Variants in CCDC82 observed in about 807,000 individuals in gnomAD.
The protein encoded by CCDC82 is coiled-coil domain-containing protein 82.
A neutral mutation model predicts 60.6 loss-of-function variants in CCDC82; 47 were observed. That is an observed-to-expected ratio of 0.77 (90% CI 0.61 to 0.99). The LOEUF is 0.99. Ranked by LOEUF, CCDC82 falls within the 50% of genes least tolerant of loss-of-function variation. CCDC82 has a pLI of 0.00. For missense variants in CCDC82, 588 were observed against 633.0 expected, an observed-to-expected ratio of 0.93 and a Z score of 0.76; for synonymous variants, 212 against 207.4, an observed-to-expected ratio of 1.02 and a Z score of -0.19.
In CCDC82 at chr11:96,384,768, A is replaced by G; in HGVS notation, c.-14-7T>C. 2 of 1,538,510 alleles carry G rather than the reference A, an allele frequency of 1.3e-6. No individual in the cohort carries two copies. Among genetic ancestry groups the G allele is most frequent in the Non-Finnish European group, 1.8e-6 (2 of 1,141,406 alleles). On this transcript the variant is annotated splice_polypyrimidine_tract_variant and splice_region_variant and intron_variant, in intron 3 of 9. Coordinates refer to ENST00000646818, the MANE Select transcript of CCDC82 (RefSeq NM_024725.4). ...ATCATTTTCACTTAAGCTTCTATAA[A>G]ATAAAGTTGTTAGGAATATAACAGT...
intron 5 of CCDC82, among the ~76,000 whole-genome samples, chr11:96,376,540 G>T (rs1419297638): frequency 6.6e-6 from 1 of 150,556 alleles, no homozygotes; most frequent in South Asian, 2.1e-4. Flanking sequence ...CGATTCTCTT[G>T]CCTCAGCCTC....
intron 5 of CCDC82, chr11:96,382,367 C>T (rs1443802416): frequency 6.6e-6 from 1 of 151,782 alleles, no homozygotes; most frequent in Non-Finnish European, 1.5e-5. Flanking sequence ...TTTTGAAAAA[C>T]TTGTATGTGC....
At chr11:96,357,071 G>A (rs1177790898) in intron 9 of CCDC82, 1 of 985,310 alleles carries the variant, frequency 1.0e-6, no homozygotes, top group Non-Finnish European at 1.2e-6. Context: ...TGTAGCTAAA[G>A]GCAGCACACA....
chr11:96,357,610 A>G (rs1591158904), intron 9 of CCDC82: 1 of 981,638 alleles, frequency 1.0e-6, no homozygotes, highest in Non-Finnish European at 1.2e-6. Context: ...TTCCCCATAT[A>G]TGATACTATT....
At chr11:96,362,773 GA>G (rs1864731276) in intron 8 of CCDC82, among the ~76,000 whole-genome samples, 1 of 152,062 alleles carries the variant, frequency 6.6e-6, no homozygotes, top group African/African-American at 2.4e-5. Context: ...AGAAGCTAAA[GA>G]AAGGAGAAAA....
chr11:96,360,336 G>A (rs1184287673), intron 8 of CCDC82, among the ~76,000 whole-genome samples: 1 of 150,964 alleles, frequency 6.6e-6, no homozygotes, highest in Non-Finnish European at 1.5e-5. Flanking sequence ...GGGATTACAG[G>A]TGCCTGTCAC....
At chr11:96,358,498 G>A in intron 9 of CCDC82, 1 of 1,231,664 alleles carries the variant, frequency 8.1e-7, no homozygotes, top group Non-Finnish European at 1.0e-6. Flanking sequence ...TTCAGTTACA[G>A]TGCTCACTGC....
At chr11:96,374,002 A>G (rs1865432164) in intron 5 of CCDC82, among the ~76,000 whole-genome samples, 1 of 152,150 alleles carries the variant, frequency 6.6e-6, no homozygotes, top group Non-Finnish European at 1.5e-5. Context: ...CCTTCCCCAT[A>G]CCACATATTT....
chr11:96,383,811 A>C, intron 4 of CCDC82, 151 bp downstream of exon 4: 1 of 704,984 alleles, frequency 1.4e-6, no homozygotes, highest in Non-Finnish European at 2.3e-6. Flanking sequence ...TACGTACAAT[A>C]GTGTAATCAA....
intron 5 of CCDC82, chr11:96,380,808 T>G (rs1395571359): frequency 1.3e-5 from 2 of 151,602 alleles, no homozygotes; most frequent in Admixed American, 1.3e-4. Flanking sequence ...GGTAAAAACA[T>G]CAGTGATTCA....
intron 7 of CCDC82, among the ~76,000 whole-genome samples, chr11:96,368,513 G>A (rs187512829): frequency 2.6e-5 from 4 of 152,226 alleles, no homozygotes; most frequent in Non-Finnish European, 5.9e-5. Context: ...CCTAACAAGA[G>A]AGTCAGCCTG....
At chr11:96,385,777 T>C (rs1294476258) in intron 3 of CCDC82, 1 of 152,076 alleles carries the variant, frequency 6.6e-6, no homozygotes, top group Non-Finnish European at 1.5e-5. Flanking sequence ...AAGTATATAT[T>C]AAAAGAACAA....
intron 7 of CCDC82, among the ~76,000 whole-genome samples, chr11:96,370,770 T>C (rs1449608557): frequency 1.3e-5 from 2 of 152,254 alleles, no homozygotes; most frequent in Non-Finnish European, 2.9e-5. Context: ...TTTTAAAAGA[T>C]GGGCTAAGCC....
rs774861008 is a variant in CCDC82, at chr11:96,384,533, C to T, written c.215G>A (p.Gly72Glu). ...ENDEELDSNK[G>E]PDCNKTPGSE... Reference sequence around the variant, plus strand: ...TCCTGGTGTTTTATTACAATCAGGTCCCTTGTTACTATCAAGCTCTTCATC... The same window carrying T: ...TCCTGGTGTTTTATTACAATCAGGTTCCTTGTTACTATCAAGCTCTTCATC... The change falls in exon 4 of 10, where the codon GGA becomes GAA. Residue 72 changes from glycine (G) to glutamate (E), a missense_variant. Coordinates refer to ENST00000646818, the MANE Select transcript of CCDC82 (RefSeq NM_024725.4). 5 of 1,613,498 alleles carry T rather than the reference C, an allele frequency of 3.1e-6. No homozygotes were observed. The African/African-American group carries it at 6.7e-5, about 22-fold the overall frequency.
chr11:96,355,100 T>G (rs974342272), intron 9 of CCDC82: 108 of 152,264 alleles, frequency 7.1e-4, no homozygotes, highest in African/African-American at 2.4e-3. Flanking sequence ...TAGGTTTTAT[T>G]AGATATAAGT....
chr11:96,378,288 A>G (rs961240790), intron 5 of CCDC82, among the ~76,000 whole-genome samples: 1 of 151,894 alleles, frequency 6.6e-6, no homozygotes, highest in Non-Finnish European at 1.5e-5. Context: ...TTATCTCCTT[A>G]TAACTTCTTT....
chr11:96,380,221 A>G (rs1423131309), intron 5 of CCDC82, among the ~76,000 whole-genome samples: 1 of 151,748 alleles, frequency 6.6e-6, no homozygotes, highest in Non-Finnish European at 1.5e-5. Flanking sequence ...GGGAACAAAA[A>G]GATAAAATTT....
chr11:96,364,676 T>C (rs561812319), intron 8 of CCDC82: 1 of 197,656 alleles, frequency 5.1e-6, no homozygotes, highest in Non-Finnish European at 1.0e-5. Context: ...TATGCTCTTG[T>C]CTAAAAAACA....
chr11:96,388,533 CAAT>C (rs1866337128), intron 1 of CCDC82: 1 of 152,182 alleles, frequency 6.6e-6, no homozygotes, highest in South Asian at 2.1e-4. Context: ...ATATTAAAGA[CAAT>C]AATCCATATT....
Sources: allele counts gnomAD v4.1 joint callset (sites outside exome capture counted in the v4.1 genomes callset), GRCh38; gene constraint gnomAD v4.1.1; transcripts MANE v1.5; gene names NCBI Gene and HGNC (gene_info 2026-07-23, HGNC 2026-07-21).